Variants in PCDH15 observed in about 807,000 individuals in gnomAD.
The protein encoded by PCDH15 is protocadherin-15.
A neutral mutation model predicts 178.5 loss-of-function variants in PCDH15; 129 were observed. The ratio of observed to expected loss-of-function variants is 0.72; its 90% CI spans 0.63 to 0.84. The LOEUF is 0.84. Ranked by LOEUF, PCDH15 falls within the 40% of genes least tolerant of loss-of-function variation. The probability of loss-of-function intolerance (pLI) is 0.00; values close to 1 mark genes in which losing one functional copy is unlikely to be tolerated. For synonymous variants in PCDH15, 800 were observed against 732.0 expected, an observed-to-expected ratio of 1.09 and a Z score of -1.50; for missense variants, 2,230 against 2,099.9, an observed-to-expected ratio of 1.06 and a Z score of -1.21.
intron 2 of PCDH15, among the ~76,000 whole-genome samples, chr10:55,119,251 T>C (rs976556813): frequency 1.3e-5 from 2 of 152,148 alleles, no homozygotes; most frequent in Non-Finnish European, 2.9e-5. Flanking sequence ...TGAGATTGCA[T>C]AGGTCACACA....
At chr10:54,169,943 C>T (rs576000677) in intron 13 of PCDH15, among the ~76,000 whole-genome samples, 15 of 151,044 alleles carry the variant, frequency 9.9e-5, no homozygotes, top group African/African-American at 3.7e-4. Flanking sequence ...TGCTGCCAAA[C>T]CCATATACTC....
intron 8 of PCDH15, among the ~76,000 whole-genome samples, chr10:54,296,672 G>C (rs2059812128): frequency 1.3e-5 from 2 of 152,116 alleles, no homozygotes; most frequent in African/African-American, 4.8e-5. Context: ...GGAGGAGCCA[G>C]ACTATCTTAT....
intron 1 of PCDH15, among the ~76,000 whole-genome samples, chr10:54,755,612 T>G (rs1173997803): frequency 6.6e-6 from 1 of 152,064 alleles, no homozygotes; most frequent in Non-Finnish European, 1.5e-5. Flanking sequence ...TATGATAAAA[T>G]AAAGATACTA....
chr10:55,063,316 A>G (rs557958973), intron 2 of PCDH15, among the ~76,000 whole-genome samples: 2 of 152,282 alleles, frequency 1.3e-5, no homozygotes, highest in South Asian at 4.1e-4. Flanking sequence ...ATATAAAGTC[A>G]TTATAAAGCA....
At chr10:54,649,814 C>G (rs1026254832) in intron 2 of PCDH15, among the ~76,000 whole-genome samples, 1 of 152,128 alleles carries the variant, frequency 6.6e-6, no homozygotes, top group Non-Finnish European at 1.5e-5. Context: ...TTTGTCCCCA[C>G]GTCATTGACC....
At chr10:55,464,859 A>G (rs1839798127) in intron 2 of PCDH15, among the ~76,000 whole-genome samples, 1 of 150,206 alleles carries the variant, frequency 6.7e-6, no homozygotes, top group African/African-American at 2.4e-5. Flanking sequence ...TATTTTCACA[A>G]TTTACAAATT....
At chr10:54,244,915 A>C (rs2055770590) in intron 8 of PCDH15, among the ~76,000 whole-genome samples, 1 of 152,340 alleles carries the variant, frequency 6.6e-6, no homozygotes, top group East Asian at 1.9e-4. Flanking sequence ...TCATAATTTT[A>C]GTCTCATTAA....
At chr10:55,277,476 A>T (rs996935847) in intron 1 of PCDH15, among the ~76,000 whole-genome samples, 4 of 151,984 alleles carry the variant, frequency 2.6e-5, no homozygotes, top group Admixed American at 2.6e-4. Context: ...ACTTACAAAA[A>T]TTTTTTCTTC....
chr10:54,568,453 T>A (rs2089342271), intron 2 of PCDH15: 1 of 152,178 alleles, frequency 6.6e-6, no homozygotes, highest in Non-Finnish European at 1.5e-5. Flanking sequence ...TGTAGACTTT[T>A]AAAAAACTGT....
chr10:54,114,606 A>G (rs1400653332), intron 15 of PCDH15, among the ~76,000 whole-genome samples: 1 of 152,232 alleles, frequency 6.6e-6, no homozygotes, highest in Non-Finnish European at 1.5e-5. Context: ...ACAAGTGCAT[A>G]TAGGATTACA....
intron 17 of PCDH15, among the ~76,000 whole-genome samples, chr10:54,079,098 G>A (rs2094393341): frequency 6.6e-6 from 1 of 152,182 alleles, no homozygotes; most frequent in Non-Finnish European, 1.5e-5. Flanking sequence ...AGTTAGGTGA[G>A]AATGCTGATC....
chr10:54,730,439 G>T (rs1943176640), intron 1 of PCDH15, among the ~76,000 whole-genome samples: 1 of 151,452 alleles, frequency 6.6e-6, no homozygotes, highest in Admixed American at 6.6e-5. Flanking sequence ...GCTACCTATT[G>T]AGTACTATGC....
rs747653501 is a variant in PCDH15, at chr10:54,664,180, T to A, written c.83A>T (p.Tyr28Phe). 6.2e-7 allele frequency: 1 copy of A among 1,611,796 alleles called. No homozygotes were observed. Among genetic ancestry groups the A allele is most frequent in the Non-Finnish European group, 8.5e-7 (1 of 1,178,502 alleles). ...GCTAAAAGCAACCTTACCATCATCA[T>A]ACTGGCCCAAGCAGATTTCAAAGAG... ...GSLFEICLGQYDDDCKLARGG... is the reference protein window; with the variant it reads ...GSLFEICLGQFDDDCKLARGG... Residue 28 changes from tyrosine to phenylalanine, a missense_variant, in exon 2 of 38, where the codon TAT (tyrosine) becomes TTT (phenylalanine). Physicochemically the swap from Tyr to Phe is conservative, Grantham distance 22 (BLOSUM62 3). Coordinates refer to ENST00000644397, the MANE Select transcript of PCDH15 (RefSeq NM_001384140.1).
chr10:54,345,501 T>G (rs1943092212), intron 6 of PCDH15, among the ~76,000 whole-genome samples: 1 of 151,838 alleles, frequency 6.6e-6, no homozygotes, highest in Non-Finnish European at 1.5e-5. Context: ...TCAAAGAAAG[T>G]GGGGAGATGT....
chr10:54,631,159 G>A (rs2093690684), intron 2 of PCDH15, among the ~76,000 whole-genome samples: 1 of 152,070 alleles, frequency 6.6e-6, no homozygotes. Context: ...CAGTGAGTGA[G>A]TTCTCATGAG....
At chr10:54,862,216 T>C (rs1312893028) in intron 3 of PCDH15, among the ~76,000 whole-genome samples, 1 of 152,134 alleles carries the variant, frequency 6.6e-6, no homozygotes, top group African/African-American at 2.4e-5. Context: ...TCAGTAAAAA[T>C]GCAATCTCTT....
chr10:55,462,728 A>G (rs1399337346), intron 2 of PCDH15, among the ~76,000 whole-genome samples: 1 of 152,158 alleles, frequency 6.6e-6, no homozygotes, highest in Non-Finnish European at 1.5e-5. Flanking sequence ...TGATCAATAC[A>G]ACAATATTTT....
At chr10:55,619,276 T>TA in intron 2 of PCDH15, among the ~76,000 whole-genome samples, 1 of 152,124 alleles carries the variant, frequency 6.6e-6, no homozygotes, top group South Asian at 2.1e-4. Context: ...GGCTTTTTTT[T>TA]AACATAATAC....
intron 2 of PCDH15, among the ~76,000 whole-genome samples, chr10:55,345,830 G>A (rs1844739463): frequency 2.0e-5 from 3 of 151,646 alleles, no homozygotes. Flanking sequence ...ATACATATAT[G>A]TAAGTCAAAG....
Sources: allele counts gnomAD v4.1 joint callset (sites outside exome capture counted in the v4.1 genomes callset), GRCh38; gene constraint gnomAD v4.1.1; transcripts MANE v1.5; gene names NCBI Gene and HGNC (gene_info 2026-07-23, HGNC 2026-07-21).